The following NTRK3 variants were observed in gnomAD, a reference collection of about 807,000 sequenced individuals.
NTRK3 encodes neurotrophic receptor tyrosine kinase 3, also known as NT-3 growth factor receptor.
A neutral mutation model predicts 91.7 loss-of-function variants in NTRK3; 24 were observed. The observed-to-expected ratio is 0.26, with a 90% CI of 0.19 to 0.37. The LOEUF (loss-of-function observed/expected upper bound fraction) is 0.37, where lower values mean the gene tolerates loss of function less well. Ranked by LOEUF, NTRK3 falls within the 10% of genes least tolerant of loss-of-function variation. The pLI, the probability that NTRK3 is intolerant of heterozygous loss-of-function variation, is 1.00. For synonymous variants in NTRK3, 483 were observed against 404.0 expected (o/e 1.20, Z -2.34); for missense variants, 880 against 1,068.9 (o/e 0.82, Z 2.46).
intron 14 of NTRK3, among the ~76,000 whole-genome samples, chr15:87,955,286 AG>A (rs1295072822): frequency 6.6e-6 from 1 of 152,244 alleles, no homozygotes; most frequent in African/African-American, 2.4e-5. Flanking sequence ...CACCTGAAGC[AG>A]GAATTTGTCT....
At chr15:88,180,092 C>T (rs181987066) in intron 5 of NTRK3, among the ~76,000 whole-genome samples, 30 of 152,346 alleles carry the variant, frequency 2.0e-4, no homozygotes, top group Non-Finnish European at 4.0e-4. Context: ...TCTCTCTGAA[C>T]GCTCACTATT....
At chr15:88,196,957 T>C (rs570160769) in intron 3 of NTRK3, among the ~76,000 whole-genome samples, 6 of 152,034 alleles carry the variant, frequency 3.9e-5, no homozygotes, top group Non-Finnish European at 7.4e-5. Context: ...TTTCCCAAAC[T>C]ACCTTCAATG....
intron 15 of NTRK3, among the ~76,000 whole-genome samples, chr15:87,939,968 C>T (rs1051500731): frequency 3.9e-5 from 6 of 152,228 alleles, no homozygotes; most frequent in East Asian, 3.8e-4. Flanking sequence ...AAATCTGCCA[C>T]GTGTCTTGGC....
intron 14 of NTRK3, among the ~76,000 whole-genome samples, chr15:88,002,190 T>C (rs2076156739): frequency 6.7e-6 from 1 of 148,564 alleles, no homozygotes; most frequent in South Asian, 2.1e-4. Flanking sequence ...TTTTTTTTTT[T>C]TTTTTCCAAA....
At chr15:88,223,994 C>T (rs1173451791) in intron 3 of NTRK3, among the ~76,000 whole-genome samples, 2 of 152,174 alleles carry the variant, frequency 1.3e-5, no homozygotes, top group East Asian at 3.9e-4. Flanking sequence ...ACAGAGTTGG[C>T]CTCCAGGCAA....
At position 88,093,341 on chromosome 15, in the gene NTRK3, C is replaced by T. The variant is rs748305311; in HGVS notation, c.1396+32930G>A. ...GGAAGAAAGGAAGGGATGATATTCT[C>T]CTATAACCACCAGTTTCAATCTTAG... On this transcript the variant is annotated intron_variant, in intron 13 of 18. Transcript: ENST00000394480. Among the ~76,000 whole-genome samples, 9 of 152,020 alleles carry T rather than the reference C, an allele frequency of 5.9e-5. No individual in the cohort carries two copies. The South Asian group carries it at 8.3e-4, about 14-fold the overall frequency.
chr15:88,173,283 C>A (rs116399104), intron 5 of NTRK3, among the ~76,000 whole-genome samples: 1,944 of 152,260 alleles, frequency 0.013, 42 homozygotes, highest in African/African-American at 0.043. Context: ...GATGTTAGAG[C>A]AGACAGAGCC....
In NTRK3 at chr15:87,952,251, AAG is replaced by A. The variant is rs935826964; in HGVS notation, c.1586-11500_1586-11499del. 6.2e-5 allele frequency among the ~76,000 whole-genome samples: 9 copies of A among 145,292 alleles called. No individual in the cohort carries two copies. In the East Asian group the frequency reaches 9.7e-4, roughly 16 times the overall value. On this transcript the variant is annotated intron_variant, in intron 14 of 18. Transcript: ENST00000394480. Reference sequence around the variant, plus strand: ...AAAGAAAAGAAAAGAAAAAGAAAGAAAGAGAAAGAAAAGAAGGAAGGAAAGAA... The same window carrying A: ...AAAGAAAAGAAAAGAAAAAGAAAGAAAGAAAGAAAAGAAGGAAGGAAAGAA...
chr15:88,103,096 G>A (rs1309676792), intron 13 of NTRK3, among the ~76,000 whole-genome samples: 3 of 152,180 alleles, frequency 2.0e-5, no homozygotes, highest in Non-Finnish European at 4.4e-5. Context: ...GCTCAAGGAG[G>A]TTAGGCAAGG....
chr15:87,889,315 G>T (rs2065724223), intron 17 of NTRK3, among the ~76,000 whole-genome samples: 1 of 151,434 alleles, frequency 6.6e-6, no homozygotes, highest in African/African-American at 2.4e-5. Flanking sequence ...TAGACCAGAG[G>T]TCAACAAATT....
In NTRK3 at chr15:88,206,111, G is replaced by A. The variant is rs561507498; in HGVS notation, c.249-21812C>T. ...TCCCAGCACTTTGGGAGGCCGAGGC[G>A]GGCGGATCACGAGGTCAGGAGATGG... On this transcript the variant is annotated intron_variant, in intron 3 of 18. Transcript: ENST00000394480. Among the ~76,000 whole-genome samples the A allele has an allele frequency of 6.9e-4, 104 of 150,926 alleles. 1 individual carries two copies. The highest frequency in any genetic ancestry group is 2.3e-3 in the African/African-American group (94 of 41,092).
At chr15:88,238,710 A>G (rs2052035816) in intron 3 of NTRK3, among the ~76,000 whole-genome samples, 1 of 152,258 alleles carries the variant, frequency 6.6e-6, no homozygotes, top group South Asian at 2.1e-4. Flanking sequence ...CCATGTTACC[A>G]CACAGAGAAC....
At chr15:87,872,906 A>G (rs757483703) in exon 19 of NTRK3, 28 of 232,900 alleles carry the variant, frequency 1.2e-4, no homozygotes, top group Admixed American at 2.3e-4. Context: ...AACGTCTCAA[A>G]TGAGAAATAA....
intron 17 of NTRK3, among the ~76,000 whole-genome samples, chr15:87,889,103 G>A (rs1474328983): frequency 1.3e-5 from 2 of 152,140 alleles, no homozygotes; most frequent in African/African-American, 2.4e-5. Flanking sequence ...TGGCAGCCAG[G>A]ATTTTCCCCT....
At chr15:87,952,792 T>C (rs1190791242) in intron 14 of NTRK3, among the ~76,000 whole-genome samples, 4 of 152,072 alleles carry the variant, frequency 2.6e-5, no homozygotes, top group Non-Finnish European at 4.4e-5. Flanking sequence ...TATGTTCCCA[T>C]TCCCCACTCC....
chr15:87,900,310 G>A (rs1448181063), intron 17 of NTRK3, among the ~76,000 whole-genome samples: 2 of 152,116 alleles, frequency 1.3e-5, no homozygotes, highest in Admixed American at 6.5e-5. Flanking sequence ...TATTAACCCA[G>A]CCACACAGCC....
chr15:88,243,178 C>T lies in NTRK3; in HGVS notation c.248+12728G>A, dbSNP rs894461556. ...GGTTTCTGCCAAGAGAATAAAATTG[C>T]ACCCCTCCTCCACGCCCTTGCCCCC... is the stretch of plus-strand genomic sequence containing the variant. On this transcript the variant is annotated intron_variant, in intron 3 of 18. Coordinates refer to ENST00000394480, the Ensembl canonical transcript of NTRK3. This position sits in a 1 kb window ranked among gnomAD's most constrained non-coding sequence, Gnocchi z 4.8. 6.6e-6 allele frequency among the ~76,000 whole-genome samples: 1 copy of T among 152,168 alleles called. No homozygotes were observed. The highest frequency in any genetic ancestry group is 1.5e-5 in the Non-Finnish European group (1 of 68,034).
intron 14 of NTRK3, among the ~76,000 whole-genome samples, chr15:87,988,005 C>A (rs1248627114): frequency 6.6e-6 from 1 of 152,170 alleles, no homozygotes; most frequent in Non-Finnish European, 1.5e-5. Flanking sequence ...TCACTTCCCC[C>A]CACCCCTTGA....
intron 5 of NTRK3, among the ~76,000 whole-genome samples, chr15:88,151,164 G>T (rs892559826): frequency 6.6e-6 from 1 of 152,078 alleles, no homozygotes; most frequent in African/African-American, 2.4e-5. Flanking sequence ...AAGATTTTAC[G>T]AGATGATGCA....
Sources: gnomAD v4.1 joint callset for allele counts (sites outside exome capture counted in the v4.1 genomes callset) on GRCh38, gnomAD v4.1.1 for gene constraint, Gnocchi (gnomAD v3.1) non-coding constraint, MANE v1.5 for transcripts, NCBI Gene and HGNC (gene_info 2026-07-23, HGNC 2026-07-21) for gene names.